Variants in MAGEB10 observed in about 807,000 individuals in gnomAD.
MAGEB10 encodes the protein MAGE family member B10.
For synonymous variants in MAGEB10, 99 were observed against 101.0 expected (o/e 0.98, Z 0.12); for missense variants, 190 against 261.9 (o/e 0.73, Z 1.89).
At position 27,822,302 on chromosome X, in the gene MAGEB10, C is replaced by T. The variant is rs1321573385; in HGVS notation, c.996C>T (p.Ala332=). 4 of 1,211,254 alleles carry T rather than the reference C, an allele frequency of 3.3e-6. No individual in the cohort carries two copies. Among genetic ancestry groups the T allele is most frequent in the Non-Finnish European group, 4.5e-6 (4 of 895,355 alleles). Residue 332 remains alanine, a synonymous_variant, in exon 3 of 3, where the codon GCC becomes GCT. Coordinates refer to ENST00000356790, the MANE Select transcript of MAGEB10 (RefSeq NM_182506.3). ...VAAKARVSAT[A]GARSKVKSSK... ...CCAAGGCTCGCGTTAGTGCCACAGC[C>T]GGTGCACGTTCCAAGGTTAAGTCCA... is the stretch of plus-strand genomic sequence containing the variant.
In MAGEB10 at chrX:27,822,273, G is replaced by T; in HGVS notation, c.967G>T (p.Ala323Ser). 8.3e-7 allele frequency: 1 copy of T among 1,211,654 alleles called. No homozygotes were observed. ...GGAAGAGAGAGCCAGAGCCAGAGTTGCAGCCAAGGCTCGCGTTAGTGCCAC... is the reference window on the plus strand; with the variant it reads ...GGAAGAGAGAGCCAGAGCCAGAGTTTCAGCCAAGGCTCGCGTTAGTGCCAC... ...DEEERARARV[A>S]AKARVSATAG... The change falls in exon 3 of 3, where the codon GCA becomes TCA. Residue 323 changes from alanine to serine, a missense_variant. Physicochemically the swap from Ala to Ser is moderately conservative, Grantham distance 99. Coordinates refer to ENST00000356790, the MANE Select transcript of MAGEB10 (RefSeq NM_182506.3).
chrX:27,815,643 A>G (rs1351591410), intron 1 of MAGEB10, among the ~76,000 whole-genome samples: 8 of 112,438 alleles, frequency 7.1e-5, no homozygotes, highest in Non-Finnish European at 1.3e-4. Context: ...TGGATAAGGA[A>G]GGACCTAGGA....
chrX:27,817,197 G>A lies in MAGEB10; in HGVS notation c.-198-357G>A, dbSNP rs776849174. On this transcript the variant is annotated intron_variant, in intron 1 of 2. Coordinates refer to ENST00000356790, the MANE Select transcript of MAGEB10 (RefSeq NM_182506.3). Reference sequence around the variant, plus strand: ...AACCTTTAGTGTGTTAAGCCATTGAGATTTCAGCCTTTTGCCATTACATCT... The same window carrying A: ...AACCTTTAGTGTGTTAAGCCATTGAAATTTCAGCCTTTTGCCATTACATCT... Among the ~76,000 whole-genome samples, 11 of 108,392 alleles carry A rather than the reference G, an allele frequency of 1.0e-4. No individual in the cohort carries two copies. In the South Asian group the frequency reaches 4.4e-3, roughly 43 times the overall value. 94.1% of individuals were successfully genotyped at this position (108,392 alleles called of 115,157 possible).
rs138529989 is a variant in MAGEB10, at chrX:27,813,024, T to C, written c.-198-4530T>C. On this transcript the variant is annotated intron_variant, in intron 1 of 2. Coordinates refer to ENST00000356790, the MANE Select transcript of MAGEB10 (RefSeq NM_182506.3). ...TCGTTATAACATAGTACATAACATG[T>C]TCTGGGTAACTTGGATATTTAAACG... is the stretch of plus-strand genomic sequence containing the variant. 6.2e-3 allele frequency: 728 copies of C among 116,999 alleles called. 4 individuals carry two copies. Among genetic ancestry groups the C allele is most frequent in the African/African-American group, 0.022 (693 of 31,220 alleles). The allele number at this position is 116,999 out of a possible 1,213,427, so 9.6% of individuals were successfully genotyped here.
intron 1 of MAGEB10, among the ~76,000 whole-genome samples, chrX:27,816,088 C>A (rs1392442339): frequency 9.0e-6 from 1 of 110,908 alleles, no homozygotes; most frequent in Non-Finnish European, 1.9e-5. Flanking sequence ...GAACCTGTCT[C>A]ACGCTTGGAA....
chrX:27,821,556 G>A lies in MAGEB10; in HGVS notation c.250G>A (p.Glu84Lys). The change falls in exon 3 of 3, where the codon GAA becomes AAA. Residue 84 changes from glutamate (E) to lysine (K), a missense_variant. Glu to Lys is a moderately conservative substitution (Grantham distance 56). Coordinates refer to ENST00000356790, the MANE Select transcript of MAGEB10 (RefSeq NM_182506.3). ...AGCTGCTTCACACACAAGACATCCC[G>A]AAGGAGTCAACGACCAAATGGAAGA... The part of the protein sequence containing the change: ...ATAASHTRHP[E>K]GVNDQMEERP... 3.3e-6 allele frequency: 4 copies of A among 1,210,047 alleles called. No individual in the cohort carries two copies. The highest frequency in any genetic ancestry group is 4.5e-6 in the Non-Finnish European group (4 of 894,634).
At chrX:27,813,386 C>G (rs1923727471) in intron 1 of MAGEB10, among the ~76,000 whole-genome samples, 1 of 112,071 alleles carries the variant, frequency 8.9e-6, no homozygotes, top group African/African-American at 3.3e-5. Flanking sequence ...TTAGTTTATT[C>G]AACAATGTAG....
rs780451746 is a variant in MAGEB10, at chrX:27,822,349, A to G, written c.1043A>G (p.Ter348=). ...TCCAGCAAGTCCTCCCAACTGCAGT[A>G]AAGTCTGAGGGAGATTCTTCATTTG... ...VKSSKSSQLQ[*] The change falls in exon 3 of 3, where the codon TAA becomes TGA. Residue 348 remains the stop codon, a stop_retained_variant. Transcript: ENST00000356790. 2 of 1,201,249 alleles carry G rather than the reference A, an allele frequency of 1.7e-6. No homozygotes were observed. Among genetic ancestry groups the G allele is most frequent in the East Asian group, 5.9e-5 (2 of 33,759 alleles).
At position 27,821,464 on chromosome X, in the gene MAGEB10, C is replaced by A; in HGVS notation, c.158C>A (p.Ser53Ter). 1 of 1,211,600 alleles carries A rather than the reference C, an allele frequency of 8.3e-7. No homozygotes were observed. Among genetic ancestry groups the A allele is most frequent in the Non-Finnish European group, 1.1e-6 (1 of 895,486 alleles). The change falls in exon 3 of 3, where the codon TCA becomes TAA. Residue 53 changes from serine to a stop codon, truncating the protein, a stop_gained. Transcript: ENST00000356790. LOFTEE classifies it low-confidence loss of function (END_TRUNC). ...TGTTTGAAGGATGTTTTCCAGAGTT[C>A]ACTTGATGGGGCATCCAACAATCCC... Reference protein sequence around the residue: ...SACLKDVFQSSLDGASNNPHG... With the variant: ...SACLKDVFQS
At position 27,817,715 on chromosome X, in the gene MAGEB10, T is replaced by C. The variant is rs1361211324; in HGVS notation, c.-50+13T>C. 1.8e-5 allele frequency: 2 copies of C among 111,064 alleles called. No individual in the cohort carries two copies. The highest frequency in any genetic ancestry group is 3.8e-5 in the Non-Finnish European group (2 of 53,096). The allele number at this position is 111,064 out of a possible 1,213,427, so 9.2% of individuals were successfully genotyped here. A position where few individuals can be genotyped will look rare whatever the true frequency, so the allele number is the denominator to read the frequency against. ...GTACCTGGTTACTGTGAGTTTTAAATATACATTGATAACTGTTTACATATT... is the reference window on the plus strand; with the variant it reads ...GTACCTGGTTACTGTGAGTTTTAAACATACATTGATAACTGTTTACATATT... On this transcript the variant is annotated intron_variant, in intron 2 of 2. Coordinates refer to ENST00000356790, the MANE Select transcript of MAGEB10 (RefSeq NM_182506.3).
intron 1 of MAGEB10, among the ~76,000 whole-genome samples, chrX:27,815,552 C>T (rs916905546): frequency 1.8e-5 from 2 of 111,919 alleles, no homozygotes; most frequent in African/African-American, 6.5e-5. Context: ...AATCTGGTGA[C>T]TTATTTGAGA....
chrX:27,810,910 A>G (rs980351882), intron 1 of MAGEB10, among the ~76,000 whole-genome samples: 1 of 110,024 alleles, frequency 9.1e-6, no homozygotes, highest in South Asian at 4.0e-4. Context: ...CAAAGTGAGG[A>G]CTGATGGGGC....
At chrX:27,808,442 T>G (rs1923588946) in intron 1 of MAGEB10, among the ~76,000 whole-genome samples, 1 of 111,816 alleles carries the variant, frequency 8.9e-6, no homozygotes. Context: ...GATGCCCGGA[T>G]GTCACACACA....
intron 1 of MAGEB10, chrX:27,812,859 C>G (rs1369607573): frequency 3.6e-6 from 1 of 280,830 alleles, no homozygotes; most frequent in East Asian, 9.4e-5. Context: ...AGCCAGGGCC[C>G]GTACTGCCAC....
chrX:27,817,273 T>G (rs1001389264), intron 1 of MAGEB10, among the ~76,000 whole-genome samples: 1 of 110,522 alleles, frequency 9.0e-6, no homozygotes, highest in Non-Finnish European at 1.9e-5. Context: ...ATTGTTATTA[T>G]TATTTAAATA....
At position 27,822,679 on chromosome X, in the gene MAGEB10, C is replaced by A; in HGVS notation, c.*329C>A. 4.4e-6 allele frequency: 1 copy of A among 229,156 alleles called. No individual in the cohort carries two copies. The highest frequency in any genetic ancestry group is 8.2e-6 in the Non-Finnish European group (1 of 121,465). The allele number at this position is 229,156 out of a possible 1,213,427, so 18.9% of individuals were successfully genotyped here. A position where few individuals can be genotyped will look rare whatever the true frequency, so the allele number is the denominator to read the frequency against. ...GTAGTAAATTAGGCATTTCCTAATT[C>A]AATGTGAAATAATTTAGGAGTGTAA... On this transcript the variant is annotated 3_prime_UTR_variant, in exon 3 of 3. Transcript: ENST00000356790.
In MAGEB10 at chrX:27,822,044, G is replaced by T. The variant is rs1386024427; in HGVS notation, c.738G>T (p.Lys246Asn). 8.3e-7 allele frequency: 1 copy of T among 1,212,068 alleles called. No homozygotes were observed. The change falls in exon 3 of 3, where the codon AAG (lysine) becomes AAT (asparagine). Residue 246 changes from lysine (K) to asparagine (N), a missense_variant. Lys to Asn is a moderately conservative substitution (Grantham distance 94). Coordinates refer to ENST00000356790, the MANE Select transcript of MAGEB10 (RefSeq NM_182506.3). ...ACTTCATGTTTGGGGAGCCCAGGAA[G>T]CTCCTTACCAAAGATTTGGTGAAAG... The part of the protein sequence containing the change: ...IEHFMFGEPR[K>N]LLTKDLVKEN...
chrX:27,814,441 T>G (rs1023596998), intron 1 of MAGEB10, among the ~76,000 whole-genome samples: 1 of 111,575 alleles, frequency 9.0e-6, no homozygotes, highest in Non-Finnish European at 1.9e-5. Context: ...ACACCCGCAA[T>G]AAATAAGAAA....
intron 1 of MAGEB10, among the ~76,000 whole-genome samples, chrX:27,814,313 C>A (rs1232034652): frequency 2.7e-5 from 3 of 110,259 alleles, no homozygotes; most frequent in South Asian, 3.9e-4. Flanking sequence ...ATTTTTGATG[C>A]GAGTGAAAGA....
Sources: allele counts gnomAD v4.1 joint callset (sites outside exome capture counted in the v4.1 genomes callset), GRCh38; gene constraint gnomAD v4.1.1; transcripts MANE v1.5; gene names NCBI Gene and HGNC (gene_info 2026-07-23, HGNC 2026-07-21).